Variants in ARHGEF37 observed in about 807,000 individuals in gnomAD.
ARHGEF37 encodes the protein Rho guanine nucleotide exchange factor 37.
ARHGEF37 carries 55 observed loss-of-function variants against 71.1 expected under a neutral mutation model. The observed-to-expected ratio is 0.77, with a 90% CI of 0.62 to 0.97. ARHGEF37 has a LOEUF of 0.97. Among genes scored for constraint, ARHGEF37 ranks in the 50% least tolerant of loss-of-function variants. The pLI, the probability that ARHGEF37 is intolerant of heterozygous loss-of-function variation, is 0.00. For missense variants in ARHGEF37, 765 were observed against 836.8 expected (o/e 0.91, Z 1.06); for synonymous variants, 327 against 350.6 (o/e 0.93, Z 0.75).
intron 12 of ARHGEF37, among the ~76,000 whole-genome samples, chr5:149,629,983 G>A (rs781509855): frequency 1.3e-5 from 2 of 150,914 alleles, no homozygotes; most frequent in Non-Finnish European, 2.9e-5. Context: ...TCCAGAATGG[G>A]CAAATCCGTA....
At chr5:149,587,370 C>T (rs923784297) in intron 1 of ARHGEF37, among the ~76,000 whole-genome samples, 2 of 152,142 alleles carry the variant, frequency 1.3e-5, no homozygotes, top group African/African-American at 4.8e-5. Context: ...TCCATCTTAA[C>T]AATAATAGAA....
intron 3 of ARHGEF37, among the ~76,000 whole-genome samples, chr5:149,605,887 C>T (rs1260201412): frequency 1.3e-5 from 2 of 152,180 alleles, no homozygotes; most frequent in East Asian, 3.9e-4. Context: ...ATGCTGCCTC[C>T]CTTTCTCTCC....
At chr5:149,589,786 T>C (rs1284272802) in intron 1 of ARHGEF37, among the ~76,000 whole-genome samples, 1 of 152,102 alleles carries the variant, frequency 6.6e-6, no homozygotes. Context: ...CCCAAAGTGC[T>C]GGGATTACAG....
intron 1 of ARHGEF37, among the ~76,000 whole-genome samples, chr5:149,557,012 C>G (rs1156676756): frequency 1.3e-5 from 2 of 152,198 alleles, no homozygotes; most frequent in African/African-American, 4.8e-5. Flanking sequence ...TTCTCCCCCT[C>G]TGCATTGTCC....
intron 1 of ARHGEF37, among the ~76,000 whole-genome samples, chr5:149,587,082 G>T (rs1277995960): frequency 6.6e-6 from 1 of 152,192 alleles, no homozygotes; most frequent in Non-Finnish European, 1.5e-5. Flanking sequence ...GTGGCTTAGG[G>T]AAAAGGGGGA....
intron 3 of ARHGEF37, among the ~76,000 whole-genome samples, chr5:149,609,085 T>C (rs1443979801): frequency 6.6e-6 from 1 of 152,020 alleles, no homozygotes; most frequent in Admixed American, 6.6e-5. Context: ...CTCAGGAGGC[T>C]GAGGCAGAGA....
chr5:149,620,500 G>A (rs1239766445), intron 8 of ARHGEF37, 36 bp downstream of exon 8: 1 of 1,509,682 alleles, frequency 6.6e-7, no homozygotes, highest in South Asian at 1.2e-5. Context: ...TTCTTTGTTA[G>A]GCAGGTGGTA....
chr5:149,610,317 A>T (rs966033972), intron 4 of ARHGEF37, among the ~76,000 whole-genome samples: 1 of 152,242 alleles, frequency 6.6e-6, no homozygotes, highest in Non-Finnish European at 1.5e-5. Context: ...GTCCTGCCAC[A>T]TGGAAAAGGG....
rs866929544 is a variant in ARHGEF37 at position 149,597,706 on chromosome 5, A to G, written c.-11-53A>G. 3.5e-6 allele frequency: 5 copies of G among 1,448,208 alleles called. No individual in the cohort carries two copies. In the African/African-American group the frequency reaches 5.8e-5, roughly 17 times the overall value. 89.7% of individuals were successfully genotyped at this position (1,448,208 alleles called of 1,614,324 possible). A position where few individuals can be genotyped will look rare whatever the true frequency, so the allele number is the denominator to read the frequency against. ...TAATTGTCATTGAATTAGAGACAGC[A>G]TGTCCCAATAGTTCTTCCTGGAAGT... On this transcript the variant is annotated intron_variant, in intron 1 of 12. Transcript: ENST00000333677.
chr5:149,633,491 A>T lies in ARHGEF37; in HGVS notation c.*1300A>T, dbSNP rs1052756419. The T allele has an allele frequency of 3.3e-5, 5 of 152,296 alleles. No individual in the cohort carries two copies. The highest frequency in any genetic ancestry group is 1.2e-4 in the African/African-American group (5 of 41,468). 9.4% of individuals were successfully genotyped at this position (152,296 alleles called of 1,614,324 possible). On this transcript the variant is annotated 3_prime_UTR_variant, in exon 13 of 13. Coordinates refer to ENST00000333677, the MANE Select transcript of ARHGEF37 (RefSeq NM_001001669.3). The stretch of plus-strand genomic sequence containing the variant: ...CTGGAAATTGGAGCCCCTCAAAAAC[A>T]GTTCCTGTTCAAGGAGGACTGACCT...
intron 4 of ARHGEF37, among the ~76,000 whole-genome samples, chr5:149,610,163 C>T (rs1332278837): frequency 6.6e-6 from 1 of 152,168 alleles, no homozygotes; most frequent in African/African-American, 2.4e-5. Flanking sequence ...ACCACATGTC[C>T]AGGGTTGGAG....
rs1055964558 is a variant in ARHGEF37 at position 149,605,510 on chromosome 5, A to T, written c.311-4038A>T. Among the ~76,000 whole-genome samples, 4 of 152,192 alleles carry T rather than the reference A, an allele frequency of 2.6e-5. No homozygotes were observed. The East Asian group carries it at 7.7e-4, about 29-fold the overall frequency. On this transcript the variant is annotated intron_variant, in intron 3 of 12. Coordinates refer to ENST00000333677, the MANE Select transcript of ARHGEF37 (RefSeq NM_001001669.3). ...ATCATATTTCAAGTGCCCAATAGCC[A>T]CGTGTGGCTGGTGACTACTGTATTT...
intron 1 of ARHGEF37, among the ~76,000 whole-genome samples, chr5:149,585,930 T>C (rs988358241): frequency 6.6e-6 from 1 of 152,244 alleles, no homozygotes; most frequent in Admixed American, 6.5e-5. Flanking sequence ...CATATCAGTC[T>C]AACTCCAGTT....
intron 2 of ARHGEF37, among the ~76,000 whole-genome samples, chr5:149,599,726 C>T (rs758151918): frequency 3.9e-5 from 6 of 152,182 alleles, no homozygotes; most frequent in Admixed American, 6.5e-5. Context: ...TTGCTTGCTA[C>T]GTTTCAAGCA....
intron 3 of ARHGEF37, among the ~76,000 whole-genome samples, chr5:149,602,259 A>G (rs1763779840): frequency 6.6e-6 from 1 of 151,988 alleles, no homozygotes; most frequent in South Asian, 2.1e-4. Context: ...GTTTCACCGT[A>G]TTGGTCAGAC....
chr5:149,557,458 C>CTTTG (rs530803855), intron 1 of ARHGEF37, among the ~76,000 whole-genome samples: 57 of 152,072 alleles, frequency 3.7e-4, no homozygotes, highest in African/African-American at 1.2e-3. Flanking sequence ...GATGGAGTTG[C>CTTTG]TTTGTTTGTT....
At chr5:149,601,629 A>G (rs1469102648) in intron 3 of ARHGEF37, among the ~76,000 whole-genome samples, 2 of 152,238 alleles carry the variant, frequency 1.3e-5, no homozygotes, top group Non-Finnish European at 2.9e-5. Flanking sequence ...TGACAGAGAC[A>G]GAAGATAGAC....
chr5:149,566,763 T>A lies in ARHGEF37; in HGVS notation c.-12+14640T>A, dbSNP rs559327500. Among the ~76,000 whole-genome samples, 17 of 152,276 alleles carry A rather than the reference T, an allele frequency of 1.1e-4. 1 individual carries two copies. In the East Asian group the frequency reaches 3.1e-3, roughly 28 times the overall value. On this transcript the variant is annotated intron_variant, in intron 1 of 2. Transcript: ENST00000505810. ...ATTCACTTGTTAATGGTTATAGCTT[T>A]CTCTGTCAATCCAACAGAACCGTTA...
intron 8 of ARHGEF37, among the ~76,000 whole-genome samples, chr5:149,621,107 C>T (rs1752526953): frequency 2.0e-5 from 3 of 152,134 alleles, no homozygotes; most frequent in African/African-American, 7.2e-5. Flanking sequence ...GTCATTTATA[C>T]AGATGGTCAG....
Sources: gnomAD v4.1 joint callset for allele counts (sites outside exome capture counted in the v4.1 genomes callset) on GRCh38, gnomAD v4.1.1 for gene constraint, MANE v1.5 for transcripts, NCBI Gene and HGNC (gene_info 2026-07-23, HGNC 2026-07-21) for gene names.